PRKCQ: variants seen among roughly 807,000 people sequenced by gnomAD.
The protein encoded by PRKCQ is protein kinase C theta type.
In PRKCQ, 41 loss-of-function variants were observed where a neutral mutation model predicts 91.2. That is an observed-to-expected ratio of 0.45 (90% CI 0.35 to 0.58). The LOEUF is 0.58. Ranked by LOEUF, PRKCQ falls within the 20% of genes least tolerant of loss-of-function variation. PRKCQ has a pLI of 0.00. For missense variants in PRKCQ, 673 were observed against 896.5 expected (o/e 0.75, Z 3.18); for synonymous variants, 307 against 316.9 (o/e 0.97, Z 0.33).
At chr10:6,503,167 G>A (rs1384560591) in intron 4 of PRKCQ, among the ~76,000 whole-genome samples, 1 of 152,208 alleles carries the variant, frequency 6.6e-6, no homozygotes, top group African/African-American at 2.4e-5. Context: ...GTTAATGCCA[G>A]AAAGTGGGCT....
At chr10:6,396,201 A>T in the PRKCQ span, among the ~76,000 whole-genome samples, 3 of 152,222 alleles carry the variant, frequency 2.0e-5, no homozygotes, top group East Asian at 5.8e-4. Context: ...CATTTGCTAG[A>T]TGTTAGAAAC....
chr10:6,422,896 C>G (rs1474789003), downstream of PRKCQ, among the ~76,000 whole-genome samples: 1 of 152,148 alleles, frequency 6.6e-6, no homozygotes, highest in Non-Finnish European at 1.5e-5. Context: ...CTCAGATGAC[C>G]CCCTGGTGGG....
chr10:6,578,969 C>G (rs1432037599), intron 1 of PRKCQ, among the ~76,000 whole-genome samples: 1 of 152,112 alleles, frequency 6.6e-6, no homozygotes, highest in African/African-American at 2.4e-5. Flanking sequence ...CAAGAAGGGC[C>G]CAGTGGGGAC....
At chr10:6,495,164 A>G (rs1280243023) in intron 7 of PRKCQ, among the ~76,000 whole-genome samples, 1 of 152,072 alleles carries the variant, frequency 6.6e-6, no homozygotes, top group African/African-American at 2.4e-5. Context: ...GATTCCTTCC[A>G]TCTCCTCTGG....
In PRKCQ at chr10:6,438,244, C is replaced by A. The variant is rs146390505; in HGVS notation, c.1836+3649G>T. ...TTTTCCAGGGAGAGCCCTGGAGTTG[C>A]CTCCAAGTTTCTAATGCCCAAGACA... On this transcript the variant is annotated intron_variant, in intron 16 of 17. Transcript: ENST00000263125. Among the ~76,000 whole-genome samples the A allele has an allele frequency of 2.7e-3, 413 of 152,350 alleles. 1 individual carries two copies. The highest frequency in any genetic ancestry group is 9.5e-3 in the African/African-American group (394 of 41,580).
chr10:6,451,575 G>A (rs546169271), intron 15 of PRKCQ, among the ~76,000 whole-genome samples: 1 of 152,234 alleles, frequency 6.6e-6, no homozygotes, highest in Admixed American at 6.5e-5. Flanking sequence ...TAACTCATTT[G>A]ATGAGGCCAG....
At position 6,526,809 on chromosome 10, in the gene PRKCQ, C is replaced by T. The variant is rs1024902987; in HGVS notation, c.-9-11665G>A. Among the ~76,000 whole-genome samples, 5 of 152,154 alleles carry T rather than the reference C, an allele frequency of 3.3e-5. No homozygotes were observed. The South Asian group carries it at 1.0e-3, about 32-fold the overall frequency. ...TCTTCAGCTTTGAGTGCAGAGCAGA[C>T]TTATTTACACCTAGAAAGGGGGTAC... On this transcript the variant is annotated intron_variant, in intron 1 of 17. Transcript: ENST00000263125.
At chr10:6,519,201 A>G (rs895420710) in intron 1 of PRKCQ, among the ~76,000 whole-genome samples, 2 of 152,206 alleles carry the variant, frequency 1.3e-5, no homozygotes, top group Non-Finnish European at 2.9e-5. Flanking sequence ...CTGGGTGTTT[A>G]ACCAGAAATG....
intron 12 of PRKCQ, among the ~76,000 whole-genome samples, chr10:6,474,072 C>T (rs566364973): frequency 6.6e-6 from 1 of 152,262 alleles, no homozygotes; most frequent in African/African-American, 2.4e-5. Flanking sequence ...AAGCCATAAC[C>T]GGAAGTAGAG....
the PRKCQ span, among the ~76,000 whole-genome samples, chr10:6,410,607 T>C: frequency 6.6e-6 from 1 of 152,182 alleles, no homozygotes; most frequent in Admixed American, 6.5e-5. Context: ...GTGTTGGTGG[T>C]GGGCATGATT....
chr10:6,473,707 A>G (rs1347023683), intron 12 of PRKCQ, among the ~76,000 whole-genome samples: 2 of 152,176 alleles, frequency 1.3e-5, no homozygotes, highest in Admixed American at 6.5e-5. Context: ...CTCAACTGAA[A>G]GGTTCATGGA....
chr10:6,535,901 G>A (rs1839566355), intron 1 of PRKCQ, among the ~76,000 whole-genome samples: 1 of 152,164 alleles, frequency 6.6e-6, no homozygotes, highest in African/African-American at 2.4e-5. Context: ...GATCTATGAG[G>A]AAATGCCCCC....
chr10:6,427,116 G>C (rs1275977864), downstream of PRKCQ: 1 of 151,832 alleles, frequency 6.6e-6, no homozygotes, highest in East Asian at 1.9e-4. Context: ...CTTGTGGGGG[G>C]CAAGCGGGGA....
At position 6,479,185 on chromosome 10, in the gene PRKCQ, G is replaced by A. The variant is rs643610; in HGVS notation, c.1180-20C>T. ...GAAGACCTAGAAGGAGAGGGAAGAA[G>A]TAACTTTATTTTAGAATTTGGATTC... On this transcript the variant is annotated intron_variant, in intron 11 of 17. Transcript: ENST00000263125. 311,868 of 1,609,332 alleles carry A rather than the reference G, an allele frequency of 0.19. 31,415 individuals are homozygous for A. Among genetic ancestry groups the A allele is most frequent in the Middle Eastern group, 0.31 (1,852 of 6,050 alleles).
chr10:6,458,851 CT>C (rs2132315852), intron 14 of PRKCQ, among the ~76,000 whole-genome samples: 1 of 152,308 alleles, frequency 6.6e-6, no homozygotes, highest in Admixed American at 6.5e-5. Flanking sequence ...TTCTAATACT[CT>C]AAGATTGGAA....
At chr10:6,460,940 C>T (rs1835297009) in intron 14 of PRKCQ, among the ~76,000 whole-genome samples, 1 of 151,514 alleles carries the variant, frequency 6.6e-6, no homozygotes, top group African/African-American at 2.4e-5. Context: ...CATCCGTTGT[C>T]CATCCATCCA....
chr10:6,489,368 C>T (rs553892481), intron 8 of PRKCQ: 13 of 512,976 alleles, frequency 2.5e-5, no homozygotes, highest in East Asian at 2.3e-4. Context: ...ACCATCTCCA[C>T]GAGAAGGTCC....
intron 15 of PRKCQ, among the ~76,000 whole-genome samples, chr10:6,443,280 A>G (rs1834070889): frequency 6.6e-6 from 1 of 152,234 alleles, no homozygotes; most frequent in African/African-American, 2.4e-5. Context: ...GGACCCATCC[A>G]TGGATGAAAG....
chr10:6,443,966 G>A (rs778337910), intron 15 of PRKCQ, among the ~76,000 whole-genome samples: 109 of 152,222 alleles, frequency 7.2e-4, no homozygotes, highest in Admixed American at 7.9e-4. Flanking sequence ...GGAGCTGTGG[G>A]GAGGGGGAAT....
Sources: allele counts gnomAD v4.1 joint callset (sites outside exome capture counted in the v4.1 genomes callset), GRCh38; gene constraint gnomAD v4.1.1; transcripts MANE v1.5; gene names NCBI Gene and HGNC (gene_info 2026-07-23, HGNC 2026-07-21).